Variants in KCNQ2 observed in about 807,000 individuals in gnomAD.
KCNQ2 encodes potassium voltage-gated channel subfamily KQT member 2.
A neutral mutation model predicts 84.8 loss-of-function variants in KCNQ2; 14 were observed. The observed-to-expected ratio is 0.17, with a 90% confidence interval of 0.11 to 0.26. The LOEUF is 0.26. Among genes scored for constraint, KCNQ2 ranks in the 10% least tolerant of loss-of-function variants. The pLI is 1.00. For missense variants in KCNQ2, 788 were observed against 1,254.0 expected (o/e 0.63, Z 5.61); for synonymous variants, 599 against 554.1 (o/e 1.08, Z -1.14).
At chr20:63,436,509 C>T (rs2081012393) in intron 7 of KCNQ2, among the ~76,000 whole-genome samples, 1 of 148,114 alleles carries the variant, frequency 6.8e-6, no homozygotes, top group South Asian at 2.2e-4. Context: ...CCAGCCTGGG[C>T]AACAGAGCGA....
At chr20:63,457,202 C>T (rs1271480934) in intron 1 of KCNQ2, among the ~76,000 whole-genome samples, 5 of 152,256 alleles carry the variant, frequency 3.3e-5, no homozygotes, top group African/African-American at 9.6e-5. Flanking sequence ...CACGCTCCTG[C>T]AGAGCTGCAC....
At chr20:63,424,908 C>T (rs764669169) in intron 10 of KCNQ2, among the ~76,000 whole-genome samples, 1 of 152,208 alleles carries the variant, frequency 6.6e-6, no homozygotes, top group Non-Finnish European at 1.5e-5. Context: ...CCGGCTGGTA[C>T]GCCGTGTTAC....
chr20:63,453,971 A>G (rs1042479066), intron 1 of KCNQ2, among the ~76,000 whole-genome samples: 1 of 152,010 alleles, frequency 6.6e-6, no homozygotes, highest in Non-Finnish European at 1.5e-5. Context: ...ACCTTCCTCT[A>G]AACTAAAAAA....
intron 1 of KCNQ2, among the ~76,000 whole-genome samples, chr20:63,468,051 C>T (rs1277782563): frequency 6.6e-6 from 1 of 152,200 alleles, no homozygotes; most frequent in Non-Finnish European, 1.5e-5. Context: ...TAAGCAGCAT[C>T]ATGTACAATG....
intron 14 of KCNQ2, among the ~76,000 whole-genome samples, chr20:63,413,825 G>A (rs879610281): frequency 1.3e-5 from 2 of 152,208 alleles, no homozygotes; most frequent in Admixed American, 1.3e-4. Context: ...GCAGAAGGTG[G>A]CTGAGTTGCT....
At chr20:63,418,710 C>A (rs6011823) in intron 12 of KCNQ2, among the ~76,000 whole-genome samples, 59,437 of 152,172 alleles carry the variant, frequency 0.39, 12,273 homozygotes, top group East Asian at 0.67. Context: ...ACACGCCCGT[C>A]TCCCTCTCTG....
rs7509381 is a variant in KCNQ2 at position 63,437,688 on chromosome 20, A to G, written c.1023+937T>C. Among the ~76,000 whole-genome samples the G allele has an allele frequency of 7.8e-3, 1,182 of 152,356 alleles. 19 individuals carry two copies. Among genetic ancestry groups the G allele is most frequent in the African/African-American group, 0.026 (1,082 of 41,582 alleles). On this transcript the variant is annotated intron_variant, in intron 7 of 16. Coordinates refer to ENST00000359125, the MANE Select transcript of KCNQ2 (RefSeq NM_172107.4). The stretch of plus-strand genomic sequence containing the variant: ...CAAGATTTGCTGTCTAAGACAGGAG[A>G]GAGCCTATAGCCACATTCCGCTGGC...
rs371296978 is a variant in KCNQ2 at position 63,414,899 on chromosome 20, C to T, written c.1525+4G>A. On this transcript the variant is annotated splice_donor_region_variant and intron_variant, in intron 13 of 16. Coordinates refer to ENST00000359125, the MANE Select transcript of KCNQ2 (RefSeq NM_172107.4). This position sits in a 1 kb window ranked among gnomAD's most constrained non-coding sequence, Gnocchi z 6.6. ...GGACCAGGAGAGGATGCGGCCACAC[C>T]CACCTTCTGAGTTCTGCCGTGACGC... The T allele has an allele frequency of 6.2e-7, 1 of 1,612,062 alleles. No individual in the cohort carries two copies. Among genetic ancestry groups the T allele is most frequent in the African/African-American group, 1.3e-5 (1 of 74,868 alleles).
intron 1 of KCNQ2, among the ~76,000 whole-genome samples, chr20:63,466,837 C>T (rs1485627930): frequency 2.0e-5 from 3 of 152,224 alleles, no homozygotes; most frequent in Non-Finnish European, 2.9e-5. Context: ...ACGTCTCACA[C>T]GGGCGGAAGC....
chr20:63,452,375 TC>T (rs745737577), intron 1 of KCNQ2, among the ~76,000 whole-genome samples: 1 of 152,112 alleles, frequency 6.6e-6, no homozygotes, highest in Non-Finnish European at 1.5e-5. Flanking sequence ...TTGAGGAAAA[TC>T]CTTTTTCTTC....
rs1406714346 is a variant in KCNQ2, at chr20:63,414,802, C to T, written c.1525+101G>A. ...GGATAGGGGGTTCCCACTCCAAGAG[C>T]AAGCAAAAGCAGCTGCGACGCCACA... On this transcript the variant is annotated intron_variant, in intron 13 of 16. Transcript: ENST00000359125. This position sits in a 1 kb window ranked among gnomAD's most constrained non-coding sequence, Gnocchi z 6.6. 1 of 1,149,940 alleles carries T rather than the reference C, an allele frequency of 8.7e-7. No individual in the cohort carries two copies. Among genetic ancestry groups the T allele is most frequent in the African/African-American group, 1.5e-5 (1 of 65,856 alleles). The allele number at this position is 1,149,940 out of a possible 1,614,324, so 71.2% of individuals were successfully genotyped here. A position where few individuals can be genotyped will look rare whatever the true frequency, so the allele number is the denominator to read the frequency against.
At chr20:63,442,365 T>C (rs1208772060) in intron 5 of KCNQ2, 41 bp downstream of exon 5, 3 of 1,613,256 alleles carry the variant, frequency 1.9e-6, no homozygotes, top group Admixed American at 3.3e-5. Flanking sequence ...GACAGGGGTG[T>C]ATCAGCAGGG....
At chr20:63,419,251 A>C (rs78962558) in intron 12 of KCNQ2, among the ~76,000 whole-genome samples, 1 of 149,728 alleles carries the variant, frequency 6.7e-6, no homozygotes, top group East Asian at 1.9e-4. Context: ...AGGAAGGCTC[A>C]GTCATCCTCA....
chr20:63,458,301 A>G (rs996580045), intron 1 of KCNQ2, among the ~76,000 whole-genome samples: 6 of 152,154 alleles, frequency 3.9e-5, no homozygotes, highest in African/African-American at 7.2e-5. Context: ...GGCGAGCCCC[A>G]GGCCCTGAAG....
rs909274925 is a variant in KCNQ2 at position 63,438,336 on chromosome 20, C to G, written c.1023+289G>C. On this transcript the variant is annotated intron_variant, in intron 7 of 16. Transcript: ENST00000359125. The surrounding 1 kb of genome is among the most constrained non-coding windows in gnomAD (Gnocchi z 5.1). ...GCAGCTGCAGAACGGGTGTGCTCAC[C>G]TCCCAGGGTGCGGTAGAGAGGACCT... 11 of 532,196 alleles carry G rather than the reference C, an allele frequency of 2.1e-5. No individual in the cohort carries two copies. The Admixed American group carries it at 2.2e-4, about 11-fold the overall frequency. 33.0% of individuals were successfully genotyped at this position (532,196 alleles called of 1,614,324 possible).
In KCNQ2 at chr20:63,406,475, T is replaced by C; in HGVS notation, c.*169A>G. 1.3e-6 allele frequency: 1 copy of C among 794,360 alleles called. No individual in the cohort carries two copies. The highest frequency in any genetic ancestry group is 1.9e-6 in the Non-Finnish European group (1 of 517,098). The allele number at this position is 794,360 out of a possible 1,614,324, so 49.2% of individuals were successfully genotyped here. On this transcript the variant is annotated 3_prime_UTR_variant, in exon 17 of 17. Coordinates refer to ENST00000359125, the MANE Select transcript of KCNQ2 (RefSeq NM_172107.4). ...GTTGGAAAATAACTTTTGTAAAAGG[T>C]CACTGCCAGGAGCCCCCATCCTTCA...
intron 12 of KCNQ2, 136 bp from the exon 13 acceptor site, chr20:63,415,262 C>T: frequency 1.2e-6 from 1 of 815,272 alleles, no homozygotes; most frequent in Non-Finnish European, 2.0e-6. Flanking sequence ...AACAGCCAGC[C>T]ACACGGGTGG....
chr20:63,408,569 C>A lies in KCNQ2; in HGVS notation c.1764-33G>T. The stretch of plus-strand genomic sequence containing the variant: ...GAACAGAGACCCCAAAGCATGAGTT[C>A]GGGTGGGTGCAGCAGGGCCCCTGCC... On this transcript the variant is annotated intron_variant, in intron 15 of 16. Coordinates refer to ENST00000359125, the MANE Select transcript of KCNQ2 (RefSeq NM_172107.4). This position sits in a 1 kb window ranked among gnomAD's most constrained non-coding sequence, Gnocchi z 5.0. 1 of 1,606,890 alleles carries A rather than the reference C, an allele frequency of 6.2e-7. No individual in the cohort carries two copies. The highest frequency in any genetic ancestry group is 1.1e-5 in the South Asian group (1 of 89,968).
chr20:63,445,793 AGCTGGGAGGCCCTG>A (rs1327373124), intron 2 of KCNQ2, among the ~76,000 whole-genome samples: 3 of 144,440 alleles, frequency 2.1e-5, no homozygotes, highest in Admixed American at 6.8e-5. Context: ...ACCCTGTCTG[AGCTGGGAGGCCCTG>A]TCTGAGCTGG....
Sources: allele counts gnomAD v4.1 joint callset (sites outside exome capture counted in the v4.1 genomes callset), GRCh38; gene constraint gnomAD v4.1.1; non-coding constraint Gnocchi (gnomAD v3.1); transcripts MANE v1.5; gene names NCBI Gene and HGNC (gene_info 2026-07-23, HGNC 2026-07-21).